MDN1: variants seen among roughly 807,000 people sequenced by gnomAD.
The protein encoded by MDN1 is midasin AAA ATPase 1, also known as midasin.
A neutral mutation model predicts 669.2 loss-of-function variants in MDN1; 266 were observed. The ratio of observed to expected loss-of-function variants is 0.40; its 90% CI spans 0.36 to 0.44. MDN1 has a LOEUF of 0.44. Ranked by LOEUF, MDN1 falls within the 20% of genes least tolerant of loss-of-function variation. The pLI is 1.00. For missense variants in MDN1, 5,940 were observed against 6,754.0 expected (o/e 0.88, Z 4.22); for synonymous variants, 2,385 against 2,457.1 (o/e 0.97, Z 0.87).
chr6:89,656,503 G>C (rs771010984), intron 91 of MDN1, among the ~76,000 whole-genome samples, 197 bp downstream of exon 91: 1 of 152,262 alleles, frequency 6.6e-6, no homozygotes, highest in South Asian at 2.1e-4. Flanking sequence ...CACAGGCAGG[G>C]AAGAAGCCGT....
intron 63 of MDN1, 54 bp downstream of exon 63, chr6:89,692,389 A>T: frequency 1.3e-6 from 2 of 1,515,316 alleles, no homozygotes; most frequent in East Asian, 4.6e-5. Context: ...CCCTGCTGTG[A>T]ACCTGGCTCT....
In MDN1 at chr6:89,661,546, G is replaced by A. The variant is rs1418367456; in HGVS notation, c.14598C>T (p.Tyr4866=). Residue 4866 remains tyrosine, a synonymous_variant, in exon 88 of 102, where the codon TAC becomes TAT. Transcript: ENST00000369393. ...CTGGCACCTTTTCCTGATTGCCATG[G>A]TAAGGGTCCACCTCATTTTCATCAT... The part of the protein sequence containing the change: ...RDYDENEVDP[Y]HGNQEKVPEP... The A allele has an allele frequency of 6.2e-7, 1 of 1,614,122 alleles. No homozygotes were observed. Among genetic ancestry groups the A allele is most frequent in the Non-Finnish European group, 8.5e-7 (1 of 1,180,024 alleles).
At position 89,774,652 on chromosome 6, in the gene MDN1, G is replaced by A. The variant is rs145561010; in HGVS notation, c.1903C>T (p.Arg635Trp). Residue 635 changes from arginine to tryptophan, a missense_variant, in exon 13 of 102, where the codon CGG becomes TGG. Coordinates refer to ENST00000369393, the MANE Select transcript of MDN1 (RefSeq NM_014611.3). ...AGGTGAACAGCCTCACTTTGTTTCCGTAGAAGCCGCACTCGACCCACTTGC... is the reference window on the plus strand; with the variant it reads ...AGGTGAACAGCCTCACTTTGTTTCCATAGAAGCCGCACTCGACCCACTTGC... Reference protein sequence around the residue: ...DLQVGRVRLLRKQSEAVHLQR... With the variant: ...DLQVGRVRLLWKQSEAVHLQR... 15 of 1,613,302 alleles carry A rather than the reference G, an allele frequency of 9.3e-6. No individual in the cohort carries two copies. The highest frequency in any genetic ancestry group is 5.5e-5 in the South Asian group (5 of 91,074).
chr6:89,702,454 T>G (rs1405209132), intron 53 of MDN1, among the ~76,000 whole-genome samples: 1 of 152,268 alleles, frequency 6.6e-6, no homozygotes, highest in Non-Finnish European at 1.5e-5. Flanking sequence ...CAATACTTGC[T>G]GTTAATGATT....
intron 1 of MDN1, among the ~76,000 whole-genome samples, chr6:89,806,341 T>C (rs1321216023): frequency 6.6e-6 from 1 of 152,080 alleles, no homozygotes; most frequent in African/African-American, 2.4e-5. Flanking sequence ...GGTGAGATGA[T>C]CACTTGAGGC....
At chr6:89,652,079 C>A in intron 95 of MDN1, 113 bp downstream of exon 95, 1 of 755,102 alleles carries the variant, frequency 1.3e-6, no homozygotes, top group Middle Eastern at 2.4e-4. Flanking sequence ...TCTCCATATG[C>A]CTGGTCCTTT....
intron 40 of MDN1, among the ~76,000 whole-genome samples, chr6:89,721,308 C>A (rs1814803872): frequency 6.6e-6 from 1 of 152,214 alleles, no homozygotes; most frequent in Non-Finnish European, 1.5e-5. Flanking sequence ...GCAAGCCTAA[C>A]TCAAGCCATT....
intron 80 of MDN1, 140 bp downstream of exon 80, chr6:89,673,096 A>G: frequency 1.4e-6 from 1 of 719,820 alleles, no homozygotes; most frequent in South Asian, 1.9e-5. Flanking sequence ...GTGGATTTCA[A>G]CCGCACCTCC....
intron 34 of MDN1, among the ~76,000 whole-genome samples, 154 bp downstream of exon 34, chr6:89,732,403 C>T (rs991334660): frequency 1.3e-5 from 2 of 152,116 alleles, no homozygotes; most frequent in Non-Finnish European, 2.9e-5. Context: ...AATCACCTTT[C>T]AAAGAGTACA....
chr6:89,801,652 A>AC (rs1767672243), intron 2 of MDN1, among the ~76,000 whole-genome samples: 2 of 151,436 alleles, frequency 1.3e-5, no homozygotes, highest in African/African-American at 4.9e-5. Flanking sequence ...TCCGTCTCAA[A>AC]AAAAAAACAA....
At chr6:89,720,590 G>A (rs1040995113) in intron 40 of MDN1, among the ~76,000 whole-genome samples, 1 of 152,042 alleles carries the variant, frequency 6.6e-6, no homozygotes, top group Non-Finnish European at 1.5e-5. Context: ...GAAGAGTGAT[G>A]GAAAACTTCC....
chr6:89,703,807 T>C (rs1425796853), intron 53 of MDN1, among the ~76,000 whole-genome samples: 1 of 151,458 alleles, frequency 6.6e-6, no homozygotes, highest in Admixed American at 6.6e-5. Context: ...AGGTAAGGAG[T>C]TCCAGAACAG....
intron 15 of MDN1, among the ~76,000 whole-genome samples, chr6:89,763,237 AACAC>A (rs1817642237): frequency 2.0e-5 from 3 of 152,082 alleles, no homozygotes; most frequent in African/African-American, 7.2e-5. Context: ...ATGTAAATTA[AACAC>A]AGCCCACACA....
intron 1 of MDN1, among the ~76,000 whole-genome samples, chr6:89,805,448 G>C (rs928815314): frequency 3.3e-5 from 5 of 152,148 alleles, no homozygotes; most frequent in African/African-American, 1.2e-4. Flanking sequence ...TGGCTGAAGT[G>C]GGAGGATAGC....
At chr6:89,663,895 T>C (rs1269808387) in intron 85 of MDN1, among the ~76,000 whole-genome samples, 1 of 149,784 alleles carries the variant, frequency 6.7e-6, no homozygotes, top group Non-Finnish European at 1.5e-5. Context: ...TCAGCCGAGA[T>C]TGCACCACTG....
In MDN1 at chr6:89,727,917, T is replaced by A; in HGVS notation, c.5388A>T (p.Glu1796Asp). 6.2e-7 allele frequency: 1 copy of A among 1,613,990 alleles called. No homozygotes were observed. The highest frequency in any genetic ancestry group is 1.7e-5 in the Admixed American group (1 of 60,004). The change falls in exon 37 of 102, where the codon GAA becomes GAT. Residue 1796 changes from glutamate to aspartate, a missense_variant. Glu to Asp is a conservative substitution (Grantham distance 45). Coordinates refer to ENST00000369393, the MANE Select transcript of MDN1 (RefSeq NM_014611.3). ...AGGCAAACTCTCCTCCCTTGCCACCTTCAACAGGTAGATCTGCTCCAAACA... is the reference window on the plus strand; with the variant it reads ...AGGCAAACTCTCCTCCCTTGCCACCATCAACAGGTAGATCTGCTCCAAACA... Reference protein sequence around the residue: ...TDLFGADLPVEGGKGGEFAWR... With the variant: ...TDLFGADLPVDGGKGGEFAWR...
chr6:89,725,113 A>T (rs2128314027), intron 38 of MDN1, 86 bp downstream of exon 38: 2 of 1,246,514 alleles, frequency 1.6e-6, no homozygotes, highest in Non-Finnish European at 1.2e-6. Context: ...TCTAATTCTC[A>T]TAGTGAATAT....
At chr6:89,690,910 T>G in intron 63 of MDN1, 76 bp from the exon 64 acceptor site, 1 of 1,504,674 alleles carries the variant, frequency 6.6e-7, no homozygotes, top group Non-Finnish European at 9.0e-7. Context: ...TGCTATTAAT[T>G]TCTCATGAAA....
rs1036484190 is a variant in MDN1, at chr6:89,642,498, T to A, written c.*1507A>T. Reference sequence around the variant, plus strand: ...GAAATGTGAGTGGGATGCAACATCATCATTTATGGAGGATAATTAATTTTT... The same window carrying A: ...GAAATGTGAGTGGGATGCAACATCAACATTTATGGAGGATAATTAATTTTT... On this transcript the variant is annotated 3_prime_UTR_variant, in exon 102 of 102. Coordinates refer to ENST00000369393, the MANE Select transcript of MDN1 (RefSeq NM_014611.3). 8 of 152,232 alleles carry A rather than the reference T, an allele frequency of 5.3e-5. No homozygotes were observed. Among genetic ancestry groups the A allele is most frequent in the African/African-American group, 1.9e-4 (8 of 41,464 alleles). The allele number at this position is 152,232 out of a possible 1,614,324, so 9.4% of individuals were successfully genotyped here.
Sources: gnomAD v4.1 joint callset for allele counts (sites outside exome capture counted in the v4.1 genomes callset) on GRCh38, gnomAD v4.1.1 for gene constraint, MANE v1.5 for transcripts, NCBI Gene and HGNC (gene_info 2026-07-23, HGNC 2026-07-21) for gene names.